Variants in GALNT13 observed in about 807,000 individuals in gnomAD.
The protein encoded by GALNT13 is UDP-GalNAc:polypeptide N-acetylgalactosaminyltransferase 13.
A neutral mutation model predicts 64.2 loss-of-function variants in GALNT13; 28 were observed. That is an observed-to-expected ratio of 0.44 (90% CI 0.32 to 0.60). The LOEUF (loss-of-function observed/expected upper bound fraction) is 0.60. Ranked by LOEUF, GALNT13 falls within the 20% of genes least tolerant of loss-of-function variation. GALNT13 has a pLI of 0.05. For missense variants in GALNT13, 577 were observed against 669.8 expected (o/e 0.86, Z 1.53); for synonymous variants, 214 against 224.6 (o/e 0.95, Z 0.42).
the GALNT13 span, among the ~76,000 whole-genome samples, chr2:153,563,367 A>C: frequency 6.6e-6 from 1 of 152,016 alleles, no homozygotes; most frequent in African/African-American, 2.4e-5. Context: ...TTTATGCACT[A>C]TATTACGGTT....
chr2:154,268,780 A>T (rs112563230), intron 8 of GALNT13, among the ~76,000 whole-genome samples: 1 of 152,210 alleles, frequency 6.6e-6, no homozygotes, highest in Non-Finnish European at 1.5e-5. Context: ...ATCCCTGTTG[A>T]TCTGATTATA....
chr2:153,514,256 T>A, the GALNT13 span, among the ~76,000 whole-genome samples: 3 of 152,206 alleles, frequency 2.0e-5, no homozygotes, highest in African/African-American at 4.8e-5. Flanking sequence ...ATCAATTTTT[T>A]AAAACACATC....
At chr2:153,527,104 G>A in the GALNT13 span, among the ~76,000 whole-genome samples, 1 of 152,088 alleles carries the variant, frequency 6.6e-6, no homozygotes, top group Non-Finnish European at 1.5e-5. Context: ...AGGTAGAAAA[G>A]AGAGGGGAGT....
intron 2 of GALNT13, among the ~76,000 whole-genome samples, chr2:153,918,207 TG>T (rs1689522144): frequency 6.6e-6 from 1 of 152,094 alleles, no homozygotes; most frequent in Non-Finnish European, 1.5e-5. Context: ...TTTGAAAAAT[TG>T]GGAATACAAA....
At chr2:154,107,561 G>A (rs1224099430) in intron 3 of GALNT13, among the ~76,000 whole-genome samples, 4 of 145,566 alleles carry the variant, frequency 2.7e-5, no homozygotes, top group Non-Finnish European at 5.9e-5. Flanking sequence ...CTGCACTCCA[G>A]CTTGGCAACA....
chr2:153,945,653 CAG>C (rs904268380), intron 3 of GALNT13, among the ~76,000 whole-genome samples: 10 of 152,152 alleles, frequency 6.6e-5, no homozygotes, highest in African/African-American at 1.9e-4. Flanking sequence ...ATTTAATAAA[CAG>C]AATCTCATTA....
chr2:154,153,242 A>G (rs1684169952), intron 4 of GALNT13, among the ~76,000 whole-genome samples: 1 of 152,188 alleles, frequency 6.6e-6, no homozygotes, highest in Non-Finnish European at 1.5e-5. Context: ...GCTGCAGAAC[A>G]GTGGATTTTC....
chr2:154,215,630 G>C (rs1055629374), intron 4 of GALNT13, among the ~76,000 whole-genome samples: 1 of 151,926 alleles, frequency 6.6e-6, no homozygotes, highest in African/African-American at 2.4e-5. Context: ...CTTCGTATCC[G>C]GTAGCTCTTG....
At chr2:153,287,219 C>G in the GALNT13 span, among the ~76,000 whole-genome samples, 21,094 of 152,162 alleles carry the variant, frequency 0.14, 1,799 homozygotes, top group Non-Finnish European at 0.2. Context: ...GCGCATACCC[C>G]TAGGGGAGCA....
At chr2:153,952,060 G>T (rs1170668835) in intron 3 of GALNT13, among the ~76,000 whole-genome samples, 1 of 152,108 alleles carries the variant, frequency 6.6e-6, no homozygotes, top group South Asian at 2.1e-4. Context: ...ACCCTTTCGT[G>T]CCACTCTGAT....
At chr2:154,146,178 A>T (rs759563669) in intron 4 of GALNT13, among the ~76,000 whole-genome samples, 2 of 151,674 alleles carry the variant, frequency 1.3e-5, no homozygotes, top group African/African-American at 2.4e-5. Context: ...ATACACATAC[A>T]CACACATATA....
At chr2:154,434,882 A>G (rs1178835096) in intron 11 of GALNT13, among the ~76,000 whole-genome samples, 3 of 152,260 alleles carry the variant, frequency 2.0e-5, no homozygotes, top group African/African-American at 7.2e-5. Context: ...ATTGCACAAT[A>G]GAAGAATAGA....
rs201481470 is a variant in GALNT13 at position 154,021,133 on chromosome 2, G to A, written c.142+76494G>A. Among the ~76,000 whole-genome samples, 430 of 152,262 alleles carry A rather than the reference G, an allele frequency of 2.8e-3. 8 individuals are homozygous for A. In the East Asian group the frequency reaches 0.054, roughly 19 times the overall value. The stretch of plus-strand genomic sequence containing the variant: ...GTAGTATAGTTTGAAGTCAGGTAGC[G>A]TGATGCCTCCAGCTTTGTTCTTTTG... On this transcript the variant is annotated intron_variant, in intron 3 of 12. Coordinates refer to ENST00000392825, the MANE Select transcript of GALNT13 (RefSeq NM_052917.4).
At chr2:154,403,733 T>C (rs1699404029) in intron 10 of GALNT13, among the ~76,000 whole-genome samples, 1 of 152,168 alleles carries the variant, frequency 6.6e-6, no homozygotes, top group Admixed American at 6.5e-5. Context: ...TGTATCTTTT[T>C]TCATGTGTCT....
chr2:153,573,095 A>C, the GALNT13 span, among the ~76,000 whole-genome samples: 1 of 151,936 alleles, frequency 6.6e-6, no homozygotes. Context: ...AGCTCTGATA[A>C]TGTATGCTTT....
At chr2:154,417,517 A>ATTTATTTT (rs1700071621) in intron 11 of GALNT13, among the ~76,000 whole-genome samples, 1 of 127,040 alleles carries the variant, frequency 7.9e-6, no homozygotes, top group Non-Finnish European at 1.7e-5. Context: ...TTATTTATTT[A>ATTTATTTT]TTTATTTTTT....
At chr2:153,753,274 A>C in the GALNT13 span, among the ~76,000 whole-genome samples, 1 of 152,064 alleles carries the variant, frequency 6.6e-6, no homozygotes, top group African/African-American at 2.4e-5. Context: ...TGGTGAGGTC[A>C]TGTTTTCCCG....
At chr2:154,446,845 A>C (rs1701606422) in intron 12 of GALNT13, 22 of 1,369,396 alleles carry the variant, frequency 1.6e-5, no homozygotes, top group Non-Finnish European at 2.1e-5. Context: ...CTCCTTTAAA[A>C]TGTGGTTAAG....
At chr2:153,280,965 T>G in the GALNT13 span, among the ~76,000 whole-genome samples, 1 of 152,216 alleles carries the variant, frequency 6.6e-6, no homozygotes, top group Admixed American at 6.5e-5. Flanking sequence ...AGTGGATTGT[T>G]GAAGTCCCCC....
Sources: gnomAD v4.1 joint callset for allele counts (sites outside exome capture counted in the v4.1 genomes callset) on GRCh38, gnomAD v4.1.1 for gene constraint, MANE v1.5 for transcripts, NCBI Gene and HGNC (gene_info 2026-07-23, HGNC 2026-07-21) for gene names.